CRB1: variants seen among roughly 807,000 people sequenced by gnomAD.
The protein encoded by CRB1 is protein crumbs homolog 1.
A neutral mutation model predicts 120.0 loss-of-function variants in CRB1; 83 were observed. The observed-to-expected ratio is 0.69, with a 90% CI of 0.58 to 0.83. The LOEUF (loss-of-function observed/expected upper bound fraction) is 0.83. Ranked by LOEUF, CRB1 falls within the 40% of genes least tolerant of loss-of-function variation. The pLI is 0.00. For missense variants in CRB1, 1,699 were observed against 1,687.6 expected, an observed-to-expected ratio of 1.01 and a Z score of -0.12; for synonymous variants, 625 against 612.5, an observed-to-expected ratio of 1.02 and a Z score of -0.30.
intron 1 of CRB1, among the ~76,000 whole-genome samples, chr1:197,299,631 A>T (rs543510261): frequency 6.6e-6 from 1 of 152,274 alleles, no homozygotes; most frequent in South Asian, 2.1e-4. Context: ...AAAAGGAAAA[A>T]AAAAACTGTA....
Position 197,453,884 on chromosome 1 carries a change from TTATTAA to T in CRB1, c.4005+11598_4005+11603del, listed in dbSNP as rs1359499762. Among the ~76,000 whole-genome samples the T allele has an allele frequency of 1.3e-4, 18 of 140,034 alleles. No homozygotes were observed. In the East Asian group the frequency reaches 3.6e-3, roughly 28 times the overall value. The allele number at this position is 140,034 out of a possible 152,430, so 91.9% of individuals were successfully genotyped here. On this transcript the variant is annotated intron_variant, in intron 11 of 11. Coordinates refer to ENST00000367400, the MANE Select transcript of CRB1 (RefSeq NM_201253.3). ...ATATTAATATTATTAATAATATATA[TTATTAA>T]TATTATTATATTATTAATATATATT...
At position 197,435,248 on chromosome 1, in the gene CRB1, T is replaced by G; in HGVS notation, c.3385T>G (p.Ser1129Ala). 1 of 1,613,918 alleles carries G rather than the reference T, an allele frequency of 6.2e-7. No homozygotes were observed. The highest frequency in any genetic ancestry group is 8.5e-7 in the Non-Finnish European group (1 of 1,179,862). ...TCAGGAAGAGCAATTTCTCAAAATC[T>G]CTACCAATTCAGTGGTCACTGGCTG... ...KPQEEQFLKI[S>A]TNSVVTGCLQ... Residue 1129 changes from serine (S) to alanine (A), a missense_variant, in exon 9 of 12, where the codon TCT (serine) becomes GCT (alanine). Transcript: ENST00000367400.
chr1:197,359,866 A>G (rs1660684335), intron 5 of CRB1, among the ~76,000 whole-genome samples: 1 of 152,086 alleles, frequency 6.6e-6, no homozygotes, highest in African/African-American at 2.4e-5. Context: ...TGAACATCTT[A>G]TATGTGCTTG....
At chr1:197,398,935 T>TGTGG (rs60382433) in intron 5 of CRB1, among the ~76,000 whole-genome samples, 1 of 141,494 alleles carries the variant, frequency 7.1e-6, no homozygotes, top group Non-Finnish European at 1.6e-5. Context: ...TGTGTGTGTG[T>TGTGG]AATATGCAGA....
chr1:197,426,959 G>A (rs1664614586), intron 6 of CRB1, among the ~76,000 whole-genome samples: 1 of 152,108 alleles, frequency 6.6e-6, no homozygotes, highest in South Asian at 2.1e-4. Context: ...TCTTTACAAA[G>A]AATAATTAGG....
At chr1:197,298,354 G>A (rs994073726) in intron 1 of CRB1, among the ~76,000 whole-genome samples, 1 of 152,034 alleles carries the variant, frequency 6.6e-6, no homozygotes, top group African/African-American at 2.4e-5. Context: ...TATATCACTG[G>A]TACAGGGAAA....
chr1:197,233,753 A>G, the CRB1 span, among the ~76,000 whole-genome samples: 10 of 152,314 alleles, frequency 6.6e-5, no homozygotes, highest in African/African-American at 2.4e-4. Flanking sequence ...GTCCACCTCT[A>G]CTTTTGAGCC....
rs1429703525 is a variant in CRB1, at chr1:197,477,944, T to A, written c.*65T>A. The A allele has an allele frequency of 6.8e-7, 1 of 1,461,152 alleles. No homozygotes were observed. The highest frequency in any genetic ancestry group is 9.6e-7 in the Non-Finnish European group (1 of 1,041,394). 90.5% of individuals were successfully genotyped at this position (1,461,152 alleles called of 1,614,324 possible). ...GAATGTGATGACTGTACTTCAGGTA[T>A]CTCTGACATACCTGACAATGTTAAT... On this transcript the variant is annotated 3_prime_UTR_variant, in exon 12 of 12. Coordinates refer to ENST00000367400, the MANE Select transcript of CRB1 (RefSeq NM_201253.3).
rs536439775 is a variant in CRB1, at chr1:197,387,855, C to CA, written c.1171+30845dup. 2.6e-3 allele frequency among the ~76,000 whole-genome samples: 395 copies of CA among 151,838 alleles called. 2 individuals carry two copies. The highest frequency in any genetic ancestry group is 4.0e-3 in the Non-Finnish European group (273 of 67,872). On this transcript the variant is annotated intron_variant, in intron 5 of 11. Coordinates refer to ENST00000367400, the MANE Select transcript of CRB1 (RefSeq NM_201253.3). ...GTGGGGAGGCTATTTCTATTGCCAC[C>CA]AAACGAAAATAATATATGTAATATA... is the stretch of plus-strand genomic sequence containing the variant.
At position 197,459,261 on chromosome 1, in the gene CRB1, A is replaced by T. The variant is rs566821375; in HGVS notation, c.4005+16969A>T. 2.0e-5 allele frequency among the ~76,000 whole-genome samples: 3 copies of T among 152,272 alleles called. No individual in the cohort carries two copies. In the South Asian group the frequency reaches 6.2e-4, roughly 32 times the overall value. On this transcript the variant is annotated intron_variant, in intron 11 of 11. Transcript: ENST00000367400. Reference sequence around the variant, plus strand: ...TAATTCTGTGATTTAGGTATATGCCATGTTTTCTTCTCAAATGTTTCCTAC... The same window carrying T: ...TAATTCTGTGATTTAGGTATATGCCTTGTTTTCTTCTCAAATGTTTCCTAC...
At chr1:197,336,241 T>C (rs1173536122) in intron 2 of CRB1, among the ~76,000 whole-genome samples, 1 of 152,222 alleles carries the variant, frequency 6.6e-6, no homozygotes, top group Non-Finnish European at 1.5e-5. Flanking sequence ...GTGGCACATA[T>C]CAAAGACATA....
intron 11 of CRB1, among the ~76,000 whole-genome samples, chr1:197,476,975 C>T (rs937892141): frequency 2.6e-5 from 4 of 152,176 alleles, no homozygotes; most frequent in Non-Finnish European, 4.4e-5. Context: ...AATCAAACCA[C>T]TGTGTAAAAA....
At chr1:197,208,554 A>T in the CRB1 span, among the ~76,000 whole-genome samples, 1 of 152,174 alleles carries the variant, frequency 6.6e-6, no homozygotes, top group Non-Finnish European at 1.5e-5. Context: ...GAGTCCTGTG[A>T]TGTGAACTGT....
chr1:197,441,805 C>T (rs1665456090), intron 10 of CRB1: 7 of 267,440 alleles, frequency 2.6e-5, no homozygotes, highest in Non-Finnish European at 5.0e-5. Flanking sequence ...TCTCCTTGTG[C>T]CCCTAATAAA....
chr1:197,269,808 T>G (rs1330093996), intron 1 of CRB1, among the ~76,000 whole-genome samples: 1 of 152,204 alleles, frequency 6.6e-6, no homozygotes, highest in Non-Finnish European at 1.5e-5. Context: ...TATCTTTAAT[T>G]AAAAGTATAG....
chr1:197,266,952 A>C (rs1010517110), upstream of CRB1, among the ~76,000 whole-genome samples: 4 of 152,194 alleles, frequency 2.6e-5, no homozygotes, highest in Non-Finnish European at 5.9e-5. Flanking sequence ...TTCAGTATGT[A>C]GATGTCCCAG....
At chr1:197,342,454 CCTT>C (rs1170985626) in intron 2 of CRB1, among the ~76,000 whole-genome samples, 3 of 152,238 alleles carry the variant, frequency 2.0e-5, no homozygotes, top group South Asian at 2.1e-4. Flanking sequence ...CCATTTTCTA[CCTT>C]CTTCTCGTCT....
chr1:197,267,366 T>C (rs887415552), upstream of CRB1, among the ~76,000 whole-genome samples: 1 of 152,164 alleles, frequency 6.6e-6, no homozygotes, highest in African/African-American at 2.4e-5. Flanking sequence ...GAGAATAATA[T>C]TGATAAAAAA....
chr1:197,353,565 C>A (rs2821123), intron 4 of CRB1, among the ~76,000 whole-genome samples: 11,568 of 152,098 alleles, frequency 0.076, 1,544 homozygotes, highest in African/African-American at 0.26. Flanking sequence ...CTTTGGGAGG[C>A]CGAGGCGCGT....
Sources: gnomAD v4.1 joint callset for allele counts (sites outside exome capture counted in the v4.1 genomes callset) on GRCh38, gnomAD v4.1.1 for gene constraint, MANE v1.5 for transcripts, NCBI Gene and HGNC (gene_info 2026-07-23, HGNC 2026-07-21) for gene names.